Variants in TTLL1 observed in about 807,000 individuals in gnomAD.
The protein encoded by TTLL1 is TTL family tubulin polyglutamylase complex subunit L1, also known as polyglutamylase complex subunit TTLL1.
TTLL1 carries 33 observed loss-of-function variants against 47.8 expected under a neutral mutation model. The observed-to-expected ratio is 0.69, with a 90% CI of 0.52 to 0.92. The LOEUF is 0.92. Ranked by LOEUF, TTLL1 falls within the 40% of genes least tolerant of loss-of-function variation. TTLL1 has a pLI of 0.00. For synonymous variants in TTLL1, 225 were observed against 214.1 expected (o/e 1.05, Z -0.45); for missense variants, 488 against 547.5 (o/e 0.89, Z 1.08).
At chr22:43,079,876 A>G (rs1011109670) in intron 2 of TTLL1, 26 bp downstream of exon 2, 5 of 152,088 alleles carry the variant, frequency 3.3e-5, no homozygotes, top group Admixed American at 3.3e-4. Flanking sequence ...AATGGTCCCT[A>G]AGGGGCCGTC....
In TTLL1 at chr22:43,068,588, A is replaced by C. The variant is rs767793669; in HGVS notation, c.325T>G (p.Phe109Val). 2.0e-6 allele frequency: 3 copies of C among 1,478,826 alleles called. No homozygotes were observed. Among genetic ancestry groups the C allele is most frequent in the Non-Finnish European group, 1.8e-6 (2 of 1,095,540 alleles). 91.6% of individuals were successfully genotyped at this position (1,478,826 alleles called of 1,614,324 possible). A position where few individuals can be genotyped will look rare whatever the true frequency, so the allele number is the denominator to read the frequency against. The part of the protein sequence containing the change: ...DENGKYLYLD[F>V]VPVTYMLPAD... ...GGCAGCATATAGGTGACTGGAACAA[A>C]GTCTGCAAGGCAAAGACACCCAGCA... Residue 109 changes from phenylalanine (F) to valine (V), a missense_variant and splice_region_variant, in exon 5 of 11, where the codon TTT becomes GTT. Coordinates refer to ENST00000266254, the MANE Select transcript of TTLL1 (RefSeq NM_012263.5).
At position 43,050,586 on chromosome 22, in the gene TTLL1, G is replaced by A. The variant is rs144640007; in HGVS notation, c.978+1215C>T. Among the ~76,000 whole-genome samples the A allele has an allele frequency of 3.1e-4, 47 of 150,818 alleles. No individual in the cohort carries two copies. In the East Asian group the frequency reaches 8.6e-3, roughly 28 times the overall value. ...ACCCAAGGTTGGAGTGCAGTGGCGC[G>A]ATCTCAGCTCACTGCAACCTCAGCC... On this transcript the variant is annotated intron_variant, in intron 9 of 10. Transcript: ENST00000266254.
chr22:43,060,376 G>C (rs1432013443), intron 7 of TTLL1, among the ~76,000 whole-genome samples: 1 of 152,224 alleles, frequency 6.6e-6, no homozygotes, highest in African/African-American at 2.4e-5. Context: ...GCTCCCTCCA[G>C]GACAGCTCTG....
At chr22:43,089,062 G>A (rs1387725156) in intron 1 of TTLL1, among the ~76,000 whole-genome samples, 1 of 152,236 alleles carries the variant, frequency 6.6e-6, no homozygotes, top group Non-Finnish European at 1.5e-5. Context: ...CGGACAGCAC[G>A]AGGTAAGTCA....
chr22:43,087,394 C>G (rs1372930985), intron 1 of TTLL1, among the ~76,000 whole-genome samples: 1 of 151,068 alleles, frequency 6.6e-6, no homozygotes, highest in Non-Finnish European at 1.5e-5. Context: ...CGTGGTGGTG[C>G]ACATCTGTAA....
intron 7 of TTLL1, among the ~76,000 whole-genome samples, chr22:43,062,117 T>C (rs1456821357): frequency 6.6e-6 from 1 of 152,140 alleles, no homozygotes; most frequent in African/African-American, 2.4e-5. Context: ...CCAACTCACA[T>C]AGGTACTCAA....
chr22:43,070,362 C>T (rs1928035979), intron 3 of TTLL1: 1 of 454,472 alleles, frequency 2.2e-6, no homozygotes, highest in Non-Finnish European at 4.1e-6. Flanking sequence ...TAGATTCCTT[C>T]TGAGCCTCTG....
intron 2 of TTLL1, among the ~76,000 whole-genome samples, chr22:43,078,470 T>G (rs1252513500): frequency 6.6e-6 from 1 of 151,660 alleles, no homozygotes; most frequent in Non-Finnish European, 1.5e-5. Flanking sequence ...CACTCTAGCC[T>G]GGGCGACACA....
chr22:43,085,582 G>T (rs1929179722), intron 1 of TTLL1, among the ~76,000 whole-genome samples: 1 of 152,204 alleles, frequency 6.6e-6, no homozygotes, highest in Non-Finnish European at 1.5e-5. Context: ...CTGCCACCAT[G>T]TATAATGTGC....
chr22:43,089,172 G>C (rs956770775), intron 1 of TTLL1, 105 bp downstream of exon 1: 2 of 152,222 alleles, frequency 1.3e-5, no homozygotes, highest in Non-Finnish European at 2.9e-5. Context: ...TCGCAGCCGC[G>C]TAGACACTGG....
chr22:43,046,267 G>C, intron 10 of TTLL1, 143 bp downstream of exon 10: 5 of 868,782 alleles, frequency 5.8e-6, no homozygotes, highest in Non-Finnish European at 7.1e-6. Context: ...GCTACAACAA[G>C]ATCTATCCCA....
intron 3 of TTLL1, chr22:43,070,307 G>T: frequency 1.2e-6 from 1 of 864,026 alleles, no homozygotes; most frequent in Non-Finnish European, 1.7e-6. Context: ...TTCTTGGAGA[G>T]TCTGCTGAAG....
intron 10 of TTLL1, among the ~76,000 whole-genome samples, chr22:43,042,159 G>T (rs1019248192): frequency 6.6e-6 from 1 of 152,204 alleles, no homozygotes; most frequent in Non-Finnish European, 1.5e-5. Context: ...TCTGGTTCGT[G>T]GCTGCCCCCA....
At chr22:43,072,300 C>T (rs757747838) in intron 3 of TTLL1, among the ~76,000 whole-genome samples, 1 of 151,894 alleles carries the variant, frequency 6.6e-6, no homozygotes, top group Non-Finnish European at 1.5e-5. Flanking sequence ...ACTACCGGCA[C>T]TCGCCACCAC....
At chr22:43,070,268 A>T (rs1569438319) in intron 3 of TTLL1, 10 of 1,205,714 alleles carry the variant, frequency 8.3e-6, no homozygotes, top group Non-Finnish European at 1.1e-5. Flanking sequence ...CACAGGGGTT[A>T]TTTAAGGGCC....
At chr22:43,063,977 C>T in intron 6 of TTLL1, 56 bp from the exon 7 acceptor site, 1 of 1,562,800 alleles carries the variant, frequency 6.4e-7, no homozygotes, top group Non-Finnish European at 8.8e-7. Flanking sequence ...AGAAAAGACA[C>T]CACTTCATTC....
At chr22:43,053,983 C>T (rs1464263599) in intron 8 of TTLL1, among the ~76,000 whole-genome samples, 6 of 152,186 alleles carry the variant, frequency 3.9e-5, no homozygotes, top group Admixed American at 3.3e-4. Context: ...AACCGATGAG[C>T]GGTATTTAAC....
intron 7 of TTLL1, among the ~76,000 whole-genome samples, chr22:43,060,410 G>A (rs548290173): frequency 6.6e-6 from 1 of 152,142 alleles, no homozygotes; most frequent in African/African-American, 2.4e-5. Context: ...GCTCCACAGC[G>A]CCCCACGGTG....
At chr22:43,061,316 G>GCCC (rs1927375487) in intron 7 of TTLL1, among the ~76,000 whole-genome samples, 2 of 152,342 alleles carry the variant, frequency 1.3e-5, no homozygotes, top group East Asian at 3.9e-4. Flanking sequence ...AAGCCACTTG[G>GCCC]CCCCGGTAAG....
Sources: gnomAD v4.1 joint callset for allele counts (sites outside exome capture counted in the v4.1 genomes callset) on GRCh38, gnomAD v4.1.1 for gene constraint, MANE v1.5 for transcripts, NCBI Gene and HGNC (gene_info 2026-07-23, HGNC 2026-07-21) for gene names.